The following NRG1 variants were observed in gnomAD, a reference collection of about 807,000 sequenced individuals.
NRG1 encodes neuregulin 1, also known as pro-neuregulin-1, membrane-bound isoform.
A neutral mutation model predicts 63.8 loss-of-function variants in NRG1; 18 were observed. That is an observed-to-expected ratio of 0.28 (90% confidence interval 0.19 to 0.42). The LOEUF (loss-of-function observed/expected upper bound fraction) is 0.42, where lower values mean the gene tolerates loss of function less well. NRG1 is among the 10% of genes least tolerant of loss of function. NRG1 has a pLI of 1.00. For synonymous variants in NRG1, 302 were observed against 301.3 expected (o/e 1.00, Z -0.02); for missense variants, 762 against 814.7 (o/e 0.94, Z 0.79).
intron 1 of NRG1, 152 bp from the exon 2 acceptor site, chr8:32,595,676 C>T (rs760866278): frequency 1.0e-4 from 56 of 539,756 alleles, no homozygotes; most frequent in Non-Finnish European, 1.6e-4. Context: ...AGATGAGATC[C>T]ATTTTCGCTC....
exon 12 of NRG1, chr8:32,766,476 C>T (rs944266454): frequency 6.6e-6 from 1 of 152,132 alleles, no homozygotes; most frequent in Non-Finnish European, 1.5e-5. Flanking sequence ...ATTATTTTAA[C>T]ATTGCCTTTG....
At chr8:32,446,636 C>G (rs1820279488) in intron 1 of NRG1, among the ~76,000 whole-genome samples, 3 of 144,836 alleles carry the variant, frequency 2.1e-5, no homozygotes, top group Non-Finnish European at 4.5e-5. Flanking sequence ...ACCTGGGCAA[C>G]AGAGTGAGAC....
chr8:32,706,929 A>G (rs958992148), intron 5 of NRG1, among the ~76,000 whole-genome samples: 1 of 152,116 alleles, frequency 6.6e-6, no homozygotes, highest in African/African-American at 2.4e-5. Context: ...GATAAATGCT[A>G]TTTAATTTTC....
chr8:32,017,525 A>G (rs759621711), intron 1 of NRG1, among the ~76,000 whole-genome samples: 33 of 152,116 alleles, frequency 2.2e-4, no homozygotes, highest in African/African-American at 3.9e-4. Context: ...CAGTCCCACA[A>G]GACCACCGTT....
chr8:32,554,321 G>C (rs190359819), intron 1 of NRG1, among the ~76,000 whole-genome samples: 4 of 151,452 alleles, frequency 2.6e-5, no homozygotes, highest in African/African-American at 9.7e-5. Context: ...TGTTTTAATG[G>C]GTTAAAAAAA....
intron 1 of NRG1, among the ~76,000 whole-genome samples, chr8:31,737,787 C>G (rs757942479): frequency 5.9e-5 from 9 of 152,056 alleles, no homozygotes; most frequent in Non-Finnish European, 1.0e-4. Context: ...ACCTAGTCCC[C>G]TAAGATTTGA....
At chr8:32,464,356 G>A (rs752465630) in intron 1 of NRG1, among the ~76,000 whole-genome samples, 3 of 118,022 alleles carry the variant, frequency 2.5e-5, no homozygotes, top group Non-Finnish European at 4.8e-5. Context: ...GGGATTTTAA[G>A]TATCTCGCTC....
intron 1 of NRG1, among the ~76,000 whole-genome samples, chr8:32,152,126 A>G (rs573227680): frequency 6.6e-6 from 1 of 152,366 alleles, no homozygotes; most frequent in Admixed American, 6.5e-5. Context: ...TGTATTGTTC[A>G]GCTATTCCTT....
At chr8:32,751,971 G>A (rs1828822121) in intron 7 of NRG1, among the ~76,000 whole-genome samples, 1 of 152,148 alleles carries the variant, frequency 6.6e-6, no homozygotes, top group South Asian at 2.1e-4. Flanking sequence ...TTTGAAGTCT[G>A]CAGAAGCAGT....
chr8:32,444,733 C>T (rs996092439), intron 1 of NRG1, among the ~76,000 whole-genome samples: 4 of 152,136 alleles, frequency 2.6e-5, no homozygotes, highest in African/African-American at 9.7e-5. Flanking sequence ...ACAATTTTGT[C>T]AAAAGTAGAA....
At chr8:31,797,870 G>C (rs1821383054) in intron 1 of NRG1, among the ~76,000 whole-genome samples, 1 of 152,208 alleles carries the variant, frequency 6.6e-6, no homozygotes, top group East Asian at 1.9e-4. Flanking sequence ...ATGAAATTCT[G>C]TCATTCACAG....
At chr8:32,186,158 T>G (rs74302145) in intron 1 of NRG1, among the ~76,000 whole-genome samples, 5,676 of 152,160 alleles carry the variant, frequency 0.037, 197 homozygotes, top group African/African-American at 0.088. Flanking sequence ...AGAAACTGAT[T>G]TTTCTCTTCT....
At chr8:32,335,248 A>G (rs1328783735) in intron 1 of NRG1, among the ~76,000 whole-genome samples, 1 of 152,222 alleles carries the variant, frequency 6.6e-6, no homozygotes, top group Non-Finnish European at 1.5e-5. Flanking sequence ...GTTTAAGACA[A>G]TGGAGGCTTT....
chr8:32,231,876 C>T (rs1310495321), intron 1 of NRG1, among the ~76,000 whole-genome samples: 2 of 145,536 alleles, frequency 1.4e-5, no homozygotes, highest in Admixed American at 7.0e-5. Context: ...GCCTGGGCAA[C>T]AGATCAGGAC....
At chr8:32,103,388 T>C (rs62498893) in intron 1 of NRG1, among the ~76,000 whole-genome samples, 15,882 of 152,330 alleles carry the variant, frequency 0.1, 1,078 homozygotes, top group Middle Eastern at 0.2. Flanking sequence ...GAATAAATAG[T>C]ACTCCATTGT....
intron 5 of NRG1, chr8:32,646,695 G>T: frequency 1.0e-6 from 1 of 985,380 alleles, no homozygotes; most frequent in Non-Finnish European, 1.2e-6. Context: ...GAGAAAGAAA[G>T]AAAAAGGAGG....
At chr8:31,811,271 T>G (rs1822857682) in intron 1 of NRG1, among the ~76,000 whole-genome samples, 1 of 152,178 alleles carries the variant, frequency 6.6e-6, no homozygotes, top group Non-Finnish European at 1.5e-5. Context: ...TCTGGAGCTG[T>G]TTTAGGGAGA....
intron 1 of NRG1, among the ~76,000 whole-genome samples, chr8:32,512,361 A>C (rs1464862997): frequency 6.6e-6 from 1 of 152,256 alleles, no homozygotes; most frequent in Non-Finnish European, 1.5e-5. Context: ...ACTAAATTTG[A>C]CATTGGGATA....
intron 1 of NRG1, among the ~76,000 whole-genome samples, chr8:32,254,610 T>A (rs563118714): frequency 1.3e-5 from 2 of 152,310 alleles, no homozygotes; most frequent in East Asian, 3.9e-4. Flanking sequence ...TGGTCAGTTT[T>A]AGAATAAGTG....
Sources: allele counts gnomAD v4.1 joint callset (sites outside exome capture counted in the v4.1 genomes callset), GRCh38; gene constraint gnomAD v4.1.1; transcripts MANE v1.5; gene names NCBI Gene and HGNC (gene_info 2026-07-23, HGNC 2026-07-21).